CACNB3: variants seen among roughly 807,000 people sequenced by gnomAD.
CACNB3 encodes the protein calcium voltage-gated channel auxiliary subunit beta 3, also known as voltage-dependent L-type calcium channel subunit beta-3.
A neutral mutation model predicts 63.7 loss-of-function variants in CACNB3; 36 were observed. The ratio of observed to expected loss-of-function variants is 0.57; its 90% CI spans 0.43 to 0.75. The LOEUF (loss-of-function observed/expected upper bound fraction) is 0.75. Ranked by LOEUF, CACNB3 falls within the 30% of genes least tolerant of loss-of-function variation. The pLI, the probability that CACNB3 is intolerant of heterozygous loss-of-function variation, is 0.00. For missense variants in CACNB3, 493 were observed against 648.6 expected (o/e 0.76, Z 2.61); for synonymous variants, 241 against 250.6 (o/e 0.96, Z 0.36).
chr12:48,826,464 G>A lies in CACNB3; in HGVS notation c.840G>A (p.Leu280=), dbSNP rs747855430. 5 of 1,614,024 alleles carry A rather than the reference G, an allele frequency of 3.1e-6. No individual in the cohort carries two copies. Among genetic ancestry groups the A allele is most frequent in the East Asian group, 2.2e-5 (1 of 44,894 alleles). The change falls in exon 10 of 13, where the codon CTG becomes CTA. Residue 280 remains leucine (L), a synonymous_variant. Transcript: ENST00000301050. The surrounding 1 kb of genome is among the most constrained non-coding windows in gnomAD (Gnocchi z 4.8). ...ACACCATCAACCACCCAGCACAGCT[G>A]GCCAAGACCTCGCTGGCCCCCATCA... ...DADTINHPAQ[L]AKTSLAPIIV...
At chr12:48,824,588 C>T in intron 4 of CACNB3, 81 bp from the exon 5 acceptor site, 1 of 1,344,186 alleles carries the variant, frequency 7.4e-7, no homozygotes, top group Admixed American at 1.7e-5. Context: ...GAATTGTGTA[C>T]AATTATTAAA....
Position 48,825,673 on chromosome 12 carries a change from C to G in CACNB3, c.646C>G (p.Arg216Gly). The stretch of plus-strand genomic sequence containing the variant: ...CTCCCACCCCAGGATCTCCATCACC[C>G]GAGTCACAGCCGACCTCTCCCTGGC... ...HRFDGRISIT[R>G]VTADLSLAKR... Residue 216 changes from arginine to glycine, a missense_variant, in exon 9 of 13, where the codon CGA becomes GGA. Transcript: ENST00000301050. This position sits in a 1 kb window ranked among gnomAD's most constrained non-coding sequence, Gnocchi z 4.5. 1 of 1,613,968 alleles carries G rather than the reference C, an allele frequency of 6.2e-7. No individual in the cohort carries two copies. The highest frequency in any genetic ancestry group is 8.5e-7 in the Non-Finnish European group (1 of 1,179,886).
upstream of CACNB3, chr12:48,814,565 C>T: frequency 2.6e-6 from 4 of 1,514,908 alleles, no homozygotes; most frequent in Non-Finnish European, 2.6e-6. The surrounding 1 kb of genome is among the most constrained non-coding windows in gnomAD (Gnocchi z 6.9). Context: ...TAGGGACGGG[C>T]TAGGGTCCCG....
At chr12:48,822,469 G>A (rs1172231952) in intron 1 of CACNB3, among the ~76,000 whole-genome samples, 3 of 152,114 alleles carry the variant, frequency 2.0e-5, no homozygotes, top group Admixed American at 6.5e-5. Context: ...CCACATCCCC[G>A]GGGTCCTGCT....
At chr12:48,817,597 A>G (rs1197595779), upstream of CACNB3, among the ~76,000 whole-genome samples, 1 of 152,180 alleles carries the variant, frequency 6.6e-6, no homozygotes, top group Non-Finnish European at 1.5e-5. Context: ...CTTTGGGGAA[A>G]GTTTCCTCAA....
intron 1 of CACNB3, among the ~76,000 whole-genome samples, chr12:48,819,400 G>T (rs1776062585): frequency 6.6e-6 from 1 of 152,194 alleles, no homozygotes; most frequent in Non-Finnish European, 1.5e-5. Flanking sequence ...GACCTCTTGT[G>T]CCTCAAGCAA....
chr12:48,828,215 T>C lies in CACNB3; in HGVS notation c.*316T>C. 2.4e-6 allele frequency: 1 copy of C among 422,750 alleles called. No homozygotes were observed. Among genetic ancestry groups the C allele is most frequent in the Non-Finnish European group, 4.4e-6 (1 of 226,948 alleles). The allele number at this position is 422,750 out of a possible 1,614,324, so 26.2% of individuals were successfully genotyped here. On this transcript the variant is annotated 3_prime_UTR_variant, in exon 13 of 13. Transcript: ENST00000301050. ...CAGTGCCCTCAGGCCAGGATCCCCTTAGCAGGGTCCTTCCCACCAGACTCA... is the reference window on the plus strand; with the variant it reads ...CAGTGCCCTCAGGCCAGGATCCCCTCAGCAGGGTCCTTCCCACCAGACTCA...
At position 48,823,484 on chromosome 12, in the gene CACNB3, G is replaced by C. The variant is rs1170853649; in HGVS notation, c.168+18G>C. 6.2e-7 allele frequency: 1 copy of C among 1,611,854 alleles called. No individual in the cohort carries two copies. ...GGGCCAAGGTATACTTTCTGGGCAT[G>C]GGGCAAGACAGGAGGCCAAGCTAGG... On this transcript the variant is annotated intron_variant, in intron 2 of 12. Transcript: ENST00000301050. This position sits in a 1 kb window ranked among gnomAD's most constrained non-coding sequence, Gnocchi z 4.2.
Position 48,825,837 on chromosome 12 carries a change from TC to T in CACNB3, c.742+69del. 1.7e-6 allele frequency: 2 copies of T among 1,155,020 alleles called. No homozygotes were observed. Among genetic ancestry groups the T allele is most frequent in the Non-Finnish European group, 2.5e-6 (2 of 785,412 alleles). The allele number at this position is 1,155,020 out of a possible 1,614,324, so 71.5% of individuals were successfully genotyped here. A position where few individuals can be genotyped will look rare whatever the true frequency, so the allele number is the denominator to read the frequency against. On this transcript the variant is annotated intron_variant, in intron 9 of 12. Transcript: ENST00000301050. This position sits in a 1 kb window ranked among gnomAD's most constrained non-coding sequence, Gnocchi z 4.5. ...CAGTGAGAACCTTCCTCCTCCCTTTTCTTTTTTTTGAGATGGAGTCTCGCTC... is the reference window on the plus strand; with the variant it reads ...CAGTGAGAACCTTCCTCCTCCCTTTTTTTTTTTTGAGATGGAGTCTCGCTC...
At position 48,823,837 on chromosome 12, in the gene CACNB3, C is replaced by G; in HGVS notation, c.291+34C>G. On this transcript the variant is annotated intron_variant, in intron 3 of 12. Transcript: ENST00000301050. This position sits in a 1 kb window ranked among gnomAD's most constrained non-coding sequence, Gnocchi z 4.2. ...CCCCCCTACTTCCAGAAGCCTCTAA[C>G]TTCATTTTCTTGCTCTTGCTCCAGA... The G allele has an allele frequency of 6.2e-7, 1 of 1,612,868 alleles. No homozygotes were observed. Among genetic ancestry groups the G allele is most frequent in the Non-Finnish European group, 8.5e-7 (1 of 1,179,482 alleles).
upstream of CACNB3, chr12:48,815,291 C>T: frequency 3.6e-6 from 1 of 280,404 alleles, no homozygotes; most frequent in Non-Finnish European, 7.1e-6. Flanking sequence ...AGTCCCTACT[C>T]TTTCTCGGGA....
chr12:48,825,051 G>GCAGAACAGAGAGGGGAGGGAGCC lies in CACNB3; in HGVS notation c.492+90_493-83dup. ...TGTTCTAGGCAGTCATTGTTGGAGG[G>GCAGAACAGAGAGGGGAGGGAGCC]CAGAACAGAGAGGGGAGGGAGCCCA... On this transcript the variant is annotated intron_variant, in intron 6 of 12. Transcript: ENST00000301050. The surrounding 1 kb of genome is among the most constrained non-coding windows in gnomAD (Gnocchi z 4.5). 6.3e-7 allele frequency: 1 copy of GCAGAACAGAGAGGGGAGGGAGCC among 1,588,044 alleles called. No homozygotes were observed.
rs1938244663 is a variant in CACNB3 at position 48,827,977 on chromosome 12, C to A, written c.*78C>A. On this transcript the variant is annotated 3_prime_UTR_variant, in exon 13 of 13. Coordinates refer to ENST00000301050, the MANE Select transcript of CACNB3 (RefSeq NM_000725.4). ...CCACTCCAGGCAGGGTGGCGTTAGACTGGCATCAGGCTGGCACTAGGCTCA... is the reference window on the plus strand; with the variant it reads ...CCACTCCAGGCAGGGTGGCGTTAGAATGGCATCAGGCTGGCACTAGGCTCA... 4.8e-6 allele frequency: 6 copies of A among 1,261,340 alleles called. No homozygotes were observed. The highest frequency in any genetic ancestry group is 4.0e-5 in the Admixed American group (2 of 49,946). 78.1% of individuals were successfully genotyped at this position (1,261,340 alleles called of 1,614,324 possible).
chr12:48,825,272 T>A lies in CACNB3; in HGVS notation c.573+29T>A, dbSNP rs201334441. 6.7e-5 allele frequency: 107 copies of A among 1,604,978 alleles called. No individual in the cohort carries two copies. In the East Asian group the frequency reaches 2.4e-3, roughly 36 times the overall value. Reference sequence around the variant, plus strand: ...AGAGGAGGTCCTTGACCCCAAAGAGTCACCTCTACCAAGCCTGCCACAGGA... The same window carrying A: ...AGAGGAGGTCCTTGACCCCAAAGAGACACCTCTACCAAGCCTGCCACAGGA... On this transcript the variant is annotated intron_variant, in intron 7 of 12. Transcript: ENST00000301050. The surrounding 1 kb of genome is among the most constrained non-coding windows in gnomAD (Gnocchi z 4.5).
chr12:48,824,588 C>G, intron 4 of CACNB3, 81 bp from the exon 5 acceptor site: 1 of 1,344,186 alleles, frequency 7.4e-7, no homozygotes, highest in South Asian at 1.2e-5. Context: ...GAATTGTGTA[C>G]AATTATTAAA....
upstream of CACNB3, chr12:48,814,600 G>GC: frequency 6.7e-7 from 1 of 1,484,552 alleles, no homozygotes; most frequent in Non-Finnish European, 8.9e-7. This position sits in a 1 kb window ranked among gnomAD's most constrained non-coding sequence, Gnocchi z 6.9. Context: ...TCTCGAAGGA[G>GC]CCCCACGGGG....
rs760172329 is a variant in CACNB3 at position 48,823,662 on chromosome 12, T to C, written c.169-19T>C. ...GCTTCGAGCCTTCTCTCACTTGCAC[T>C]AATGGGCAAATTCTCCAGCACAAAC... On this transcript the variant is annotated intron_variant, in intron 2 of 12. Transcript: ENST00000301050. The surrounding 1 kb of genome is among the most constrained non-coding windows in gnomAD (Gnocchi z 4.2). 1.4e-5 allele frequency: 23 copies of C among 1,613,986 alleles called. No individual in the cohort carries two copies. In the South Asian group the frequency reaches 2.4e-4, roughly 17 times the overall value.
upstream of CACNB3, chr12:48,818,413 G>C (rs1017770716): frequency 1.0e-6 from 1 of 983,476 alleles, no homozygotes; most frequent in African/African-American, 1.8e-5. This position sits in a 1 kb window ranked among gnomAD's most constrained non-coding sequence, Gnocchi z 4.3. Flanking sequence ...AGTAGTTCCT[G>C]GGTTGCCGAG....
intron 1 of CACNB3, chr12:48,819,796 T>A (rs953854899): frequency 1.1e-4 from 43 of 387,106 alleles, no homozygotes. Flanking sequence ...CTCTTTGCTT[T>A]TATCTCCTGA....
Sources: gnomAD v4.1 joint callset for allele counts (sites outside exome capture counted in the v4.1 genomes callset) on GRCh38, gnomAD v4.1.1 for gene constraint, Gnocchi (gnomAD v3.1) non-coding constraint, MANE v1.5 for transcripts, NCBI Gene and HGNC (gene_info 2026-07-23, HGNC 2026-07-21) for gene names.